The following ZFAND6 variants were observed in gnomAD, a reference collection of about 807,000 sequenced individuals.
ZFAND6 encodes zinc finger AN1-type containing 6.
ZFAND6 carries 12 observed loss-of-function variants against 24.5 expected under a neutral mutation model. That is an observed-to-expected ratio of 0.49 (90% CI 0.31 to 0.79). ZFAND6 has a LOEUF of 0.79. ZFAND6 is among the 30% of genes least tolerant of loss of function. ZFAND6 has a pLI of 0.04. For missense variants in ZFAND6, 207 were observed against 245.9 expected (o/e 0.84, Z 1.06); for synonymous variants, 92 against 81.5 (o/e 1.13, Z -0.69).
chr15:80,093,499 G>A (rs1451302725), intron 1 of ZFAND6, among the ~76,000 whole-genome samples: 2 of 151,794 alleles, frequency 1.3e-5, no homozygotes, highest in South Asian at 2.1e-4. Flanking sequence ...AGGCCGAGAC[G>A]GGCGGAGCAC....
chr15:80,118,724 T>C (rs144074635), intron 2 of ZFAND6, among the ~76,000 whole-genome samples: 1 of 152,242 alleles, frequency 6.6e-6, no homozygotes, highest in East Asian at 1.9e-4. Flanking sequence ...ATTGTGTTCA[T>C]AGGCTAAAGG....
chr15:80,068,395 G>A (rs2036782068), intron 1 of ZFAND6, among the ~76,000 whole-genome samples: 1 of 150,826 alleles, frequency 6.6e-6, no homozygotes, highest in Non-Finnish European at 1.5e-5. Context: ...TTTTTGAGAT[G>A]GAGTCTCGCT....
chr15:80,098,078 G>A (rs947069830), intron 1 of ZFAND6, among the ~76,000 whole-genome samples: 4 of 152,176 alleles, frequency 2.6e-5, no homozygotes, highest in African/African-American at 9.7e-5. Flanking sequence ...GTTGGTAAAA[G>A]TGTTCTTTAG....
At chr15:80,092,322 A>G (rs1424520855) in intron 1 of ZFAND6, among the ~76,000 whole-genome samples, 1 of 144,110 alleles carries the variant, frequency 6.9e-6, no homozygotes. Context: ...ACCCATCTCT[A>G]CAGGAAAAAA....
At chr15:80,083,722 A>G (rs1035952980) in intron 1 of ZFAND6, among the ~76,000 whole-genome samples, 3 of 152,104 alleles carry the variant, frequency 2.0e-5, no homozygotes, top group Non-Finnish European at 4.4e-5. Flanking sequence ...GAAACCGTGT[A>G]TCTACTAAAA....
intron 1 of ZFAND6, among the ~76,000 whole-genome samples, chr15:80,068,116 C>T (rs992417136): frequency 5.3e-5 from 8 of 149,736 alleles, no homozygotes; most frequent in South Asian, 2.1e-4. Flanking sequence ...CGAGCACCAC[C>T]GCGCCTGGCC....
At chr15:80,087,620 T>C (rs2038080886) in intron 1 of ZFAND6, among the ~76,000 whole-genome samples, 1 of 152,244 alleles carries the variant, frequency 6.6e-6, no homozygotes, top group East Asian at 1.9e-4. Context: ...CTTTGAATCT[T>C]TGCCCAGTTT....
At chr15:80,124,638 C>G (rs1046669908) in intron 5 of ZFAND6, among the ~76,000 whole-genome samples, 1 of 152,190 alleles carries the variant, frequency 6.6e-6, no homozygotes, top group African/African-American at 2.4e-5. Context: ...GTTTTCTCCA[C>G]TTAGCCCTGA....
intron 1 of ZFAND6, among the ~76,000 whole-genome samples, chr15:80,073,698 C>T (rs1380920652): frequency 6.6e-5 from 10 of 151,750 alleles, no homozygotes; most frequent in Admixed American, 6.6e-4. Context: ...CATTTTTTTC[C>T]TGTTCCCTTC....
At chr15:80,129,515 A>G (rs2040505862) in intron 5 of ZFAND6, 1 of 152,248 alleles carries the variant, frequency 6.6e-6, no homozygotes, top group East Asian at 1.9e-4. Flanking sequence ...TAAGGTAACC[A>G]TCCTTCTCAA....
intron 1 of ZFAND6, chr15:80,073,297 G>C (rs1384926413): frequency 2.9e-6 from 1 of 343,744 alleles, no homozygotes; most frequent in African/African-American, 2.2e-5. Flanking sequence ...TTCGAAACAG[G>C]AAATGAAAGG....
At chr15:80,110,623 T>C (rs530768696) in intron 2 of ZFAND6, among the ~76,000 whole-genome samples, 63 of 151,440 alleles carry the variant, frequency 4.2e-4, no homozygotes, top group African/African-American at 1.4e-3. Context: ...AAAAAAACTG[T>C]ATAATTTAGA....
rs896864505 is a variant in ZFAND6, at chr15:80,079,493, T to G, written c.-180-18923T>G. ...CCTCGGCCTCCCAAAGTGCTGGGAT[T>G]ACAGGCGTGAGCCACCGCACCCGGC... On this transcript the variant is annotated intron_variant, in intron 1 of 6. Coordinates refer to ENST00000261749, the MANE Select transcript of ZFAND6 (RefSeq NM_019006.4). Among the ~76,000 whole-genome samples the G allele has an allele frequency of 5.9e-5, 9 of 151,974 alleles. No homozygotes were observed. In the East Asian group the frequency reaches 7.8e-4, roughly 13 times the overall value.
chr15:80,061,681 C>T (rs1256394518), intron 1 of ZFAND6, among the ~76,000 whole-genome samples: 2 of 152,150 alleles, frequency 1.3e-5, no homozygotes, highest in Non-Finnish European at 2.9e-5. Context: ...TCTGCCATAA[C>T]TTATGGGCAC....
chr15:80,074,348 A>G (rs1406975763), intron 1 of ZFAND6, among the ~76,000 whole-genome samples: 3 of 151,862 alleles, frequency 2.0e-5, no homozygotes, highest in Admixed American at 6.6e-5. Flanking sequence ...AATGTTTTAC[A>G]CTGGCTTTGT....
At chr15:80,102,802 C>G (rs2039105156) in intron 2 of ZFAND6, among the ~76,000 whole-genome samples, 3 of 152,100 alleles carry the variant, frequency 2.0e-5, no homozygotes, top group Admixed American at 6.5e-5. Flanking sequence ...AGGATAGGAA[C>G]AAGCTATTAA....
chr15:80,086,809 C>G (rs534098647), intron 1 of ZFAND6, among the ~76,000 whole-genome samples: 3 of 152,354 alleles, frequency 2.0e-5, no homozygotes, highest in African/African-American at 7.2e-5. Context: ...ACCCATTAAA[C>G]TATAACTCCC....
At chr15:80,072,525 A>T (rs1049934740) in intron 1 of ZFAND6, 11 of 152,046 alleles carry the variant, frequency 7.2e-5, no homozygotes, top group African/African-American at 2.7e-4. Flanking sequence ...AGGAGATTTT[A>T]CTCTTCAGCC....
intron 1 of ZFAND6, among the ~76,000 whole-genome samples, chr15:80,067,960 TA>T (rs200345734): frequency 4.6e-5 from 7 of 152,050 alleles, no homozygotes; most frequent in African/African-American, 1.4e-4. Flanking sequence ...ATTTCTTAAT[TA>T]AAAAAATTTT....
Sources: gnomAD v4.1 joint callset for allele counts (sites outside exome capture counted in the v4.1 genomes callset) on GRCh38, gnomAD v4.1.1 for gene constraint, MANE v1.5 for transcripts, NCBI Gene and HGNC (gene_info 2026-07-23, HGNC 2026-07-21) for gene names.